The following JMJD1C variants were observed in gnomAD, a reference collection of about 807,000 sequenced individuals.
JMJD1C encodes the protein jumonji domain-containing protein 1C.
Under a neutral mutation model 245.3 loss-of-function variants are expected in JMJD1C, and 31 were observed. That is an observed-to-expected ratio of 0.13 (90% CI 0.09 to 0.17). JMJD1C has a LOEUF of 0.17. JMJD1C is among the 10% of genes least tolerant of loss of function. JMJD1C has a pLI of 1.00. For missense variants in JMJD1C, 2,691 were observed against 3,000.2 expected, an observed-to-expected ratio of 0.90 and a Z score of 2.41; for synonymous variants, 1,057 against 1,017.4, an observed-to-expected ratio of 1.04 and a Z score of -0.74.
intron 2 of JMJD1C, among the ~76,000 whole-genome samples, chr10:63,354,077 G>A (rs1001717306): frequency 1.3e-5 from 2 of 152,188 alleles, no homozygotes; most frequent in Non-Finnish European, 1.5e-5. Flanking sequence ...TTGACTTCAT[G>A]ATCTGCCCGC....
chr10:63,314,752 A>G (rs1939720610), intron 2 of JMJD1C, among the ~76,000 whole-genome samples: 1 of 151,714 alleles, frequency 6.6e-6, no homozygotes, highest in Non-Finnish European at 1.5e-5. Context: ...GGTTCAAGCG[A>G]TTCTCCTGCC....
intron 13 of JMJD1C, among the ~76,000 whole-genome samples, chr10:63,195,263 G>C (rs962263789): frequency 2.7e-4 from 40 of 149,724 alleles, no homozygotes; most frequent in Non-Finnish European, 1.2e-4. Flanking sequence ...TGAGGCAGGA[G>C]AATCACTTGA....
Position 63,197,527 on chromosome 10 carries a change from C to T in JMJD1C, c.5528G>A (p.Arg1843Gln), listed in dbSNP as rs376317959. 5.0e-6 allele frequency: 8 copies of T among 1,595,568 alleles called. No homozygotes were observed. In the African/African-American group the frequency reaches 5.4e-5, roughly 11 times the overall value. Residue 1843 changes from arginine to glutamine, a missense_variant, in exon 13 of 26, where the codon CGG (arginine) becomes CAG (glutamine). Arg to Gln is a conservative substitution (Grantham distance 43). This residue lies in a region of JMJD1C where 139 missense variants were observed against 270.5 expected (regional missense o/e 0.51). Coordinates refer to ENST00000399262, the MANE Select transcript of JMJD1C (RefSeq NM_032776.3). ...IAWKRAVRGV[R>Q]EMCDACEATL... ...TGCTTCACATGCATCACACATCTCC[C>T]GGACTCCTCTCACTGCTCTTTTCCA...
intron 2 of JMJD1C, among the ~76,000 whole-genome samples, chr10:63,360,017 A>C (rs1259352266): frequency 6.6e-6 from 1 of 152,092 alleles, no homozygotes; most frequent in African/African-American, 2.4e-5. Context: ...TACCACAGAG[A>C]AATCTTAAAA....
chr10:63,438,770 GCTTC>G (rs1338559774), intron 1 of JMJD1C, among the ~76,000 whole-genome samples: 1 of 152,052 alleles, frequency 6.6e-6, no homozygotes, highest in Non-Finnish European at 1.5e-5. Flanking sequence ...TACGTGACTA[GCTTC>G]CTTGTTTCCT....
At chr10:63,227,601 G>T (rs1849455929) in intron 3 of JMJD1C, among the ~76,000 whole-genome samples, 1 of 152,172 alleles carries the variant, frequency 6.6e-6, no homozygotes, top group Non-Finnish European at 1.5e-5. Flanking sequence ...TTAATGGAAT[G>T]ATTTTCCCCT....
intron 1 of JMJD1C, among the ~76,000 whole-genome samples, chr10:63,482,743 T>C (rs751651753): frequency 1.3e-5 from 2 of 152,202 alleles, no homozygotes; most frequent in Non-Finnish European, 2.9e-5. Flanking sequence ...TGCAAATCAC[T>C]TGATCTCTCT....
rs186699981 is a variant in JMJD1C at position 63,515,546 on chromosome 10, G to A, written n.113+6192C>T. ...AATTACAGCTCAGATTTTCCTACCCGGGTACTGGTTCCCTCAGGGGTTTCT... is the reference window on the plus strand; with the variant it reads ...AATTACAGCTCAGATTTTCCTACCCAGGTACTGGTTCCCTCAGGGGTTTCT... On this transcript the variant is annotated intron_variant and non_coding_transcript_variant, in intron 1 of 3. Coordinates refer to the JMJD1C transcript ENST00000633035. 1.2e-4 allele frequency among the ~76,000 whole-genome samples: 19 copies of A among 152,206 alleles called. No homozygotes were observed. The East Asian group carries it at 3.3e-3, about 26-fold the overall frequency.
At chr10:63,461,073 T>C (rs1952762465) in intron 1 of JMJD1C, among the ~76,000 whole-genome samples, 1 of 152,182 alleles carries the variant, frequency 6.6e-6, no homozygotes, top group African/African-American at 2.4e-5. Context: ...TGGGCGATCA[T>C]CACCTTCTTT....
At chr10:63,246,034 G>GA (rs550340726) in intron 3 of JMJD1C, among the ~76,000 whole-genome samples, 5 of 150,474 alleles carry the variant, frequency 3.3e-5, no homozygotes, top group East Asian at 1.9e-4. Context: ...TGTCAGAGAA[G>GA]AAAAAAACAA....
At position 63,521,513 on chromosome 10, in the gene JMJD1C, C is replaced by A. The variant is rs1340096407; in HGVS notation, n.113+225G>T. 3 of 1,399,798 alleles carry A rather than the reference C, an allele frequency of 2.1e-6. No individual in the cohort carries two copies. The South Asian group carries it at 4.7e-5, about 22-fold the overall frequency. 86.7% of individuals were successfully genotyped at this position (1,399,798 alleles called of 1,614,324 possible). On this transcript the variant is annotated intron_variant and non_coding_transcript_variant, in intron 1 of 3. Coordinates refer to the JMJD1C transcript ENST00000633035. ...TGGTCCGCAGCGCCCTGCGCCCACC[C>A]GCCCCGGACGTGGGGCCCAAGCCCC...
At chr10:63,170,786 T>G (rs977033003) in intron 24 of JMJD1C, among the ~76,000 whole-genome samples, 2 of 152,216 alleles carry the variant, frequency 1.3e-5, no homozygotes, top group Non-Finnish European at 2.9e-5. Flanking sequence ...AGGGTTACTT[T>G]GAAGAGCCAA....
At chr10:63,191,648 A>C (rs551205895) in intron 16 of JMJD1C, among the ~76,000 whole-genome samples, 1 of 152,262 alleles carries the variant, frequency 6.6e-6, no homozygotes, top group East Asian at 1.9e-4. Context: ...ACATGTTTAC[A>C]CCTGTTACAA....
intron 1 of JMJD1C, among the ~76,000 whole-genome samples, chr10:63,513,756 C>CA (rs1954938293): frequency 1.3e-5 from 2 of 151,882 alleles, no homozygotes; most frequent in East Asian, 1.9e-4. Context: ...ACTAAAAATA[C>CA]AAAAAAATTA....
At chr10:63,347,842 G>A (rs993849664) in intron 2 of JMJD1C, among the ~76,000 whole-genome samples, 1 of 151,218 alleles carries the variant, frequency 6.6e-6, no homozygotes, top group Non-Finnish European at 1.5e-5. Context: ...TCAACCCAGG[G>A]GGTGGAAGTT....
At chr10:63,330,548 CAGTA>C (rs1220102819) in intron 2 of JMJD1C, among the ~76,000 whole-genome samples, 1 of 151,978 alleles carries the variant, frequency 6.6e-6, no homozygotes, top group Non-Finnish European at 1.5e-5. Context: ...GAATCAAAGA[CAGTA>C]AGAATATATC....
chr10:63,204,878 C>T, intron 10 of JMJD1C: 3 of 985,354 alleles, frequency 3.0e-6, no homozygotes, highest in Non-Finnish European at 3.6e-6. Flanking sequence ...GGGAAAACCT[C>T]ATTCAGTTAA....
chr10:63,390,090 T>C (rs533682510), intron 1 of JMJD1C, among the ~76,000 whole-genome samples: 1 of 151,956 alleles, frequency 6.6e-6, no homozygotes, highest in East Asian at 1.9e-4. Flanking sequence ...ATCAATGAAA[T>C]GAAAAACTGT....
chr10:63,424,067 T>A (rs1232770093), intron 1 of JMJD1C, among the ~76,000 whole-genome samples: 3 of 152,156 alleles, frequency 2.0e-5, no homozygotes, highest in African/African-American at 7.2e-5. Flanking sequence ...TTGTGTGTAT[T>A]TTTTTAATTA....
Sources: gnomAD v4.1 joint callset for allele counts (sites outside exome capture counted in the v4.1 genomes callset) on GRCh38, gnomAD v4.1.1 for gene constraint, gnomAD v4.1.1 regional missense constraint, MANE v1.5 for transcripts, NCBI Gene and HGNC (gene_info 2026-07-23, HGNC 2026-07-21) for gene names.